Variants in PDIA5 observed in about 807,000 individuals in gnomAD.
The protein encoded by PDIA5 is protein disulfide isomerase family A member 5.
PDIA5 carries 58 observed loss-of-function variants against 77.6 expected under a neutral mutation model. The observed-to-expected ratio is 0.75, with a 90% CI of 0.61 to 0.93. The LOEUF (loss-of-function observed/expected upper bound fraction) is 0.93. Among genes scored for constraint, PDIA5 ranks in the 40% least tolerant of loss-of-function variants. The pLI, the probability that PDIA5 is intolerant of heterozygous loss-of-function variation, is 0.00. For synonymous variants in PDIA5, 250 were observed against 252.1 expected (o/e 0.99, Z 0.08); for missense variants, 630 against 647.7 (o/e 0.97, Z 0.30).
chr3:123,146,326 G>C, intron 13 of PDIA5, 67 bp downstream of exon 13: 3 of 1,356,300 alleles, frequency 2.2e-6, no homozygotes, highest in Non-Finnish European at 3.1e-6. Context: ...CCACCTTGAG[G>C]AGGTGAAGTA....
intron 3 of PDIA5, among the ~76,000 whole-genome samples, chr3:123,097,704 A>T (rs1394399133): frequency 9.0e-6 from 1 of 111,230 alleles, no homozygotes; most frequent in African/African-American, 3.6e-5. Flanking sequence ...CTCCCCCTCC[A>T]TTTTCTTCAT....
intron 8 of PDIA5, among the ~76,000 whole-genome samples, chr3:123,119,151 G>A (rs182388691): frequency 2.6e-5 from 4 of 152,280 alleles, no homozygotes; most frequent in Admixed American, 2.0e-4. Context: ...AGCTACTTGG[G>A]AGGCTGAGGT....
At chr3:123,131,733 G>A (rs1032335023) in intron 11 of PDIA5, among the ~76,000 whole-genome samples, 1 of 151,872 alleles carries the variant, frequency 6.6e-6, no homozygotes, top group South Asian at 2.1e-4. Context: ...TGTGGCCCAG[G>A]AGTTTTCTGG....
At chr3:123,156,658 C>T (rs776433426) in intron 15 of PDIA5, among the ~76,000 whole-genome samples, 2 of 152,210 alleles carry the variant, frequency 1.3e-5, no homozygotes, top group South Asian at 2.1e-4. Context: ...ATCTCCCTGT[C>T]CCACTGGACA....
At chr3:123,152,863 C>T (rs1438919382) in intron 14 of PDIA5, among the ~76,000 whole-genome samples, 4 of 152,122 alleles carry the variant, frequency 2.6e-5, no homozygotes, top group East Asian at 1.9e-4. Context: ...GCCAGCTTGG[C>T]GGAGTCTCTA....
chr3:123,145,251 A>T lies in PDIA5; in HGVS notation c.911-271A>T, dbSNP rs76438377. 5.6e-3 allele frequency: 2,244 copies of T among 399,120 alleles called. 50 individuals are homozygous for T. Among genetic ancestry groups the T allele is most frequent in the African/African-American group, 0.042 (2,007 of 48,294 alleles). The allele number at this position is 399,120 out of a possible 1,614,324, so 24.7% of individuals were successfully genotyped here. On this transcript the variant is annotated intron_variant, in intron 11 of 16. Coordinates refer to ENST00000316218, the MANE Select transcript of PDIA5 (RefSeq NM_006810.4). ...TCAGTTCCTACTTTGTGGGGTAGTT[A>T]TGAGGCTGTAAGGCACTGGTCAGTA...
chr3:123,113,647 A>G (rs1934921988), intron 7 of PDIA5, among the ~76,000 whole-genome samples: 1 of 152,140 alleles, frequency 6.6e-6, no homozygotes, highest in South Asian at 2.1e-4. Flanking sequence ...TTAGCACACT[A>G]GTCTAATCAA....
chr3:123,128,384 T>G (rs1251693467), intron 10 of PDIA5, among the ~76,000 whole-genome samples: 1 of 152,208 alleles, frequency 6.6e-6, no homozygotes, highest in Non-Finnish European at 1.5e-5. Flanking sequence ...GTTCTTTCCT[T>G]CCGGTGCCTG....
In PDIA5 at chr3:123,070,982, A is replaced by G. The variant is rs1269636333; in HGVS notation, c.42+3776A>G. ...ATGAATGCAAATGTTTTCAGTTTAAAAAGTTGTCAATTTTTCTGACATGAC... is the reference window on the plus strand; with the variant it reads ...ATGAATGCAAATGTTTTCAGTTTAAGAAGTTGTCAATTTTTCTGACATGAC... On this transcript the variant is annotated intron_variant, in intron 1 of 16. Transcript: ENST00000316218. 2.0e-5 allele frequency among the ~76,000 whole-genome samples: 3 copies of G among 152,272 alleles called. No homozygotes were observed. In the South Asian group the frequency reaches 6.2e-4, roughly 32 times the overall value.
chr3:123,067,469 C>G (rs1379827491), intron 1 of PDIA5: 1 of 387,310 alleles, frequency 2.6e-6, no homozygotes, highest in Non-Finnish European at 4.6e-6. Flanking sequence ...GGTGCTTACG[C>G]CACGGCCACA....
At chr3:123,152,201 C>T (rs1935931357) in intron 14 of PDIA5, among the ~76,000 whole-genome samples, 2 of 152,160 alleles carry the variant, frequency 1.3e-5, no homozygotes, top group Admixed American at 1.3e-4. Context: ...ACCTGTCTTC[C>T]ACCTACCCAT....
chr3:123,119,521 C>T (rs2107951631), intron 8 of PDIA5, among the ~76,000 whole-genome samples: 1 of 152,292 alleles, frequency 6.6e-6, no homozygotes, highest in Admixed American at 6.5e-5. Flanking sequence ...CTGGAAAGTT[C>T]TAGCCCTTTC....
At chr3:123,088,977 G>A (rs1934211700) in intron 1 of PDIA5, 191 bp from the exon 2 acceptor site, 2 of 521,556 alleles carry the variant, frequency 3.8e-6, no homozygotes, top group African/African-American at 3.8e-5. Context: ...GTGCCTGGAG[G>A]GGAAGGGAGA....
intron 3 of PDIA5, among the ~76,000 whole-genome samples, chr3:123,093,521 A>T (rs1386776685): frequency 3.9e-5 from 6 of 152,198 alleles, no homozygotes; most frequent in African/African-American, 1.4e-4. Context: ...ATGGAGGCTT[A>T]TTGTAGGGAG....
intron 10 of PDIA5, among the ~76,000 whole-genome samples, chr3:123,128,902 C>A (rs1419026189): frequency 6.6e-6 from 1 of 152,144 alleles, no homozygotes; most frequent in African/African-American, 2.4e-5. Context: ...TATTTTATCT[C>A]CCCCCTTTTA....
rs1347309867 is a variant in PDIA5, at chr3:123,092,420, A to G, written c.235A>G (p.Thr79Ala). Residue 79 changes from threonine (T) to alanine (A), a missense_variant, in exon 3 of 17, where the codon ACC becomes GCC. By Grantham distance (58) the Thr-to-Ala change is moderately conservative (BLOSUM62 0). Coordinates refer to ENST00000316218, the MANE Select transcript of PDIA5 (RefSeq NM_006810.4). ...TVAQAVKGQGTICWVDCGDAE... is the reference protein window; with the variant it reads ...TVAQAVKGQGAICWVDCGDAE... Reference sequence around the variant, plus strand: ...GGCCCAGGCGGTGAAAGGACAAGGGACCATCTGCTGGGTGGACTGTGGGTA... The same window carrying G: ...GGCCCAGGCGGTGAAAGGACAAGGGGCCATCTGCTGGGTGGACTGTGGGTA... 1.9e-6 allele frequency: 3 copies of G among 1,613,630 alleles called. No individual in the cohort carries two copies. The highest frequency in any genetic ancestry group is 1.7e-6 in the Non-Finnish European group (2 of 1,179,700).
intron 10 of PDIA5, among the ~76,000 whole-genome samples, 162 bp downstream of exon 10, chr3:123,124,505 T>C (rs1935197599): frequency 6.6e-6 from 1 of 152,118 alleles, no homozygotes; most frequent in African/African-American, 2.4e-5. Context: ...TAGGCCACTG[T>C]GGGGATTGTG....
At position 123,156,032 on chromosome 3, in the gene PDIA5, G is replaced by A. The variant is rs371888135; in HGVS notation, c.1344+991G>A. Among the ~76,000 whole-genome samples, 10 of 152,192 alleles carry A rather than the reference G, an allele frequency of 6.6e-5. No homozygotes were observed. The East Asian group carries it at 1.2e-3, about 18-fold the overall frequency. On this transcript the variant is annotated intron_variant, in intron 15 of 16. Transcript: ENST00000316218. ...GAGACAGATGACCATCCCAGGGCCG[G>A]GTGGGCAGGGTTTGAAGTTTTGATC...
At chr3:123,152,566 C>A (rs1209209880) in intron 14 of PDIA5, among the ~76,000 whole-genome samples, 1 of 152,048 alleles carries the variant, frequency 6.6e-6, no homozygotes, top group African/African-American at 2.4e-5. Flanking sequence ...ATACTATATA[C>A]TTTTTATATA....
Sources: gnomAD v4.1 joint callset for allele counts (sites outside exome capture counted in the v4.1 genomes callset) on GRCh38, gnomAD v4.1.1 for gene constraint, MANE v1.5 for transcripts, NCBI Gene and HGNC (gene_info 2026-07-23, HGNC 2026-07-21) for gene names.